Variants in PPFIBP2 observed in about 807,000 individuals in gnomAD.
PPFIBP2 encodes liprin-beta-2.
Under a neutral mutation model 118.3 loss-of-function variants are expected in PPFIBP2, and 118 were observed. The observed-to-expected ratio is 1.00, with a 90% CI of 0.86 to 1.16. PPFIBP2 has a LOEUF of 1.16. PPFIBP2 is among the 50% of genes most tolerant of loss of function. The pLI is 0.00. For synonymous variants in PPFIBP2, 414 were observed against 397.4 expected, an observed-to-expected ratio of 1.04 and a Z score of -0.50; for missense variants, 1,195 against 1,073.1, an observed-to-expected ratio of 1.11 and a Z score of -1.59.
chr11:7,627,314 C>G (rs1302187518), intron 8 of PPFIBP2, among the ~76,000 whole-genome samples: 1 of 152,226 alleles, frequency 6.6e-6, no homozygotes, highest in African/African-American at 2.4e-5. Flanking sequence ...AAATAATGAG[C>G]AAGCAATTCT....
intron 3 of PPFIBP2, among the ~76,000 whole-genome samples, chr11:7,576,030 C>T (rs1205896182): frequency 6.6e-6 from 1 of 152,248 alleles, no homozygotes; most frequent in Non-Finnish European, 1.5e-5. Context: ...GCCCAGCCTG[C>T]CGGGGACTGT....
chr11:7,546,293 A>G (rs1852323717), intron 1 of PPFIBP2, among the ~76,000 whole-genome samples: 1 of 152,222 alleles, frequency 6.6e-6, no homozygotes, highest in Non-Finnish European at 1.5e-5. Context: ...TTGAATTTTC[A>G]GGAAGAGGAA....
chr11:7,666,691 A>G, the PPFIBP2 span: 4 of 575,588 alleles, frequency 6.9e-6, no homozygotes, highest in South Asian at 4.4e-5. Flanking sequence ...ACGGCAAACA[A>G]GAGTTCTGCT....
intron 5 of PPFIBP2, among the ~76,000 whole-genome samples, chr11:7,606,996 T>C (rs866137755): frequency 7.4e-6 from 1 of 135,840 alleles, no homozygotes; most frequent in East Asian, 2.5e-4. Flanking sequence ...CTGCAAGCTC[T>C]GCCTCCCAGG....
intron 6 of PPFIBP2, among the ~76,000 whole-genome samples, chr11:7,615,409 A>AT (rs1245595299): frequency 6.6e-6 from 1 of 152,152 alleles, no homozygotes; most frequent in Non-Finnish European, 1.5e-5. Context: ...CCAGAAAACA[A>AT]TGACAACACA....
At chr11:7,535,332 C>T (rs1018278918) in intron 1 of PPFIBP2, among the ~76,000 whole-genome samples, 9 of 152,182 alleles carry the variant, frequency 5.9e-5, no homozygotes, top group Non-Finnish European at 1.3e-4. Flanking sequence ...GAGGAAACAG[C>T]ATGACAAAGG....
At chr11:7,617,805 C>G (rs10839820) in intron 6 of PPFIBP2, among the ~76,000 whole-genome samples, 69,711 of 151,996 alleles carry the variant, frequency 0.46, 17,335 homozygotes, top group African/African-American at 0.66. Context: ...ATTAAGTCAT[C>G]ATCTGAATTT....
At chr11:7,576,334 G>C (rs1435378909) in intron 3 of PPFIBP2, 3 of 152,382 alleles carry the variant, frequency 2.0e-5, no homozygotes, top group African/African-American at 7.2e-5. Context: ...TTGATAATCA[G>C]CCATAGCCAA....
Position 7,650,939 on chromosome 11 carries a change from G to A in PPFIBP2, c.2221G>A (p.Gly741Arg). Reference protein sequence around the residue: ...DLAEYAPNLRGSGVHGGLIIL... With the variant: ...DLAEYAPNLRRSGVHGGLIIL... ...GGCAGAGTATGCACCCAATCTTCGA[G>A]GGAGTGGAGTCCATGGAGGCCTCAT... The change falls in exon 22 of 24, where the codon GGG (glycine) becomes AGG (arginine). Residue 741 changes from glycine to arginine, a missense_variant. Physicochemically the swap from Gly to Arg is moderately radical, Grantham distance 125. Transcript: ENST00000299492. 1 of 1,613,982 alleles carries A rather than the reference G, an allele frequency of 6.2e-7. No homozygotes were observed. The highest frequency in any genetic ancestry group is 8.5e-7 in the Non-Finnish European group (1 of 1,179,888).
chr11:7,604,328 A>T (rs558108878), intron 5 of PPFIBP2, among the ~76,000 whole-genome samples: 1 of 152,328 alleles, frequency 6.6e-6, no homozygotes, highest in East Asian at 1.9e-4. Flanking sequence ...CAAAGTTTGT[A>T]CATTGGTTCC....
At chr11:7,608,773 T>C (rs1469478330) in intron 5 of PPFIBP2, among the ~76,000 whole-genome samples, 1 of 152,268 alleles carries the variant, frequency 6.6e-6, no homozygotes, top group Non-Finnish European at 1.5e-5. Context: ...TATTGCCAAC[T>C]CATTTGGAGG....
chr11:7,536,871 G>A (rs1851276953), intron 1 of PPFIBP2, among the ~76,000 whole-genome samples: 1 of 152,148 alleles, frequency 6.6e-6, no homozygotes, highest in East Asian at 1.9e-4. Flanking sequence ...GCCAGGGAGA[G>A]AGCCTCCACG....
At chr11:7,635,511 CTT>C in intron 13 of PPFIBP2, 39 bp from the exon 14 acceptor site, 1 of 1,575,084 alleles carries the variant, frequency 6.3e-7, no homozygotes, top group Non-Finnish European at 8.7e-7. Flanking sequence ...ACACAAGTCT[CTT>C]TTTCTCCACA....
chr11:7,547,660 AG>A (rs1852472450), intron 1 of PPFIBP2, among the ~76,000 whole-genome samples: 1 of 151,582 alleles, frequency 6.6e-6, no homozygotes, highest in South Asian at 2.1e-4. Context: ...CTCACCTCGG[AG>A]CAGCTCTGTT....
At chr11:7,575,065 C>T (rs1856121644) in intron 3 of PPFIBP2, among the ~76,000 whole-genome samples, 2 of 152,138 alleles carry the variant, frequency 1.3e-5, no homozygotes, top group Admixed American at 1.3e-4. Flanking sequence ...GAAATGGGCC[C>T]CGTCTTTTCC....
chr11:7,533,291 C>A (rs556948686), intron 1 of PPFIBP2, among the ~76,000 whole-genome samples: 144 of 152,274 alleles, frequency 9.5e-4, no homozygotes, highest in African/African-American at 3.2e-3. Context: ...ATGAGAGAGG[C>A]TGTCATGGAT....
intron 6 of PPFIBP2, among the ~76,000 whole-genome samples, chr11:7,613,531 G>A (rs1043625929): frequency 6.6e-5 from 10 of 152,148 alleles, no homozygotes; most frequent in African/African-American, 2.4e-4. Flanking sequence ...GTCATATGAG[G>A]GTACTGAAGA....
At chr11:7,515,590 C>T (rs1213373601) in intron 1 of PPFIBP2, among the ~76,000 whole-genome samples, 1 of 152,182 alleles carries the variant, frequency 6.6e-6, no homozygotes, top group Non-Finnish European at 1.5e-5. Flanking sequence ...GTGGCCTGGG[C>T]TGTGACAACT....
At chr11:7,567,407 A>G (rs562880229) in intron 3 of PPFIBP2, among the ~76,000 whole-genome samples, 1 of 152,320 alleles carries the variant, frequency 6.6e-6, no homozygotes, top group South Asian at 2.1e-4. Context: ...TCAGATTTGC[A>G]GTTTTGTCTT....
Sources: allele counts gnomAD v4.1 joint callset (sites outside exome capture counted in the v4.1 genomes callset), GRCh38; gene constraint gnomAD v4.1.1; transcripts MANE v1.5; gene names NCBI Gene and HGNC (gene_info 2026-07-23, HGNC 2026-07-21).